The following SUCLG1 variants were observed in gnomAD, a reference collection of about 807,000 sequenced individuals.
The protein encoded by SUCLG1 is succinate-CoA ligase GDP/ADP-forming subunit alpha.
A neutral mutation model predicts 37.3 loss-of-function variants in SUCLG1; 26 were observed. The ratio of observed to expected loss-of-function variants is 0.70; its 90% CI spans 0.51 to 0.97. The LOEUF (loss-of-function observed/expected upper bound fraction) is 0.97, where lower values mean the gene tolerates loss of function less well. SUCLG1 is among the 50% of genes least tolerant of loss of function. The pLI is 0.00. For missense variants in SUCLG1, 433 were observed against 432.9 expected (o/e 1.00, Z 0.00); for synonymous variants, 163 against 155.6 (o/e 1.05, Z -0.36).
intron 8 of SUCLG1, 24 bp from the exon 9 acceptor site, chr2:84,423,796 AAG>A: frequency 6.2e-7 from 1 of 1,600,300 alleles, no homozygotes; most frequent in Non-Finnish European, 8.5e-7. Context: ...AGAGAGAGAG[AAG>A]AGAGATGGAA....
intron 2 of SUCLG1, among the ~76,000 whole-genome samples, chr2:84,449,370 A>T (rs577544902): frequency 1.4e-4 from 22 of 152,308 alleles, no homozygotes; most frequent in South Asian, 1.0e-3. Flanking sequence ...GAGGAAAATC[A>T]TTAGTGTTGT....
intron 7 of SUCLG1, chr2:84,426,292 AG>A (rs1387754708): frequency 2.0e-5 from 3 of 151,488 alleles, no homozygotes; most frequent in East Asian, 3.9e-4. Context: ...AAAAAAAAAA[AG>A]AAAATATAAA....
rs535815226 is a variant in SUCLG1 at position 84,431,776 on chromosome 2, A to T, written c.674-117T>A. The T allele has an allele frequency of 1.3e-5, 13 of 1,011,228 alleles. No individual in the cohort carries two copies. The African/African-American group carries it at 1.9e-4, about 15-fold the overall frequency. The allele number at this position is 1,011,228 out of a possible 1,614,324, so 62.6% of individuals were successfully genotyped here. A position where few individuals can be genotyped will look rare whatever the true frequency, so the allele number is the denominator to read the frequency against. ...TCTTACCCTTCTCTCTTATATTTTT[A>T]AATGTATCATTGCTCTTGCATTTAA... On this transcript the variant is annotated intron_variant, in intron 6 of 8. Transcript: ENST00000393868.
intron 1 of SUCLG1, among the ~76,000 whole-genome samples, chr2:84,458,186 TA>T (rs1319690038): frequency 6.6e-6 from 1 of 152,014 alleles, no homozygotes; most frequent in Non-Finnish European, 1.5e-5. Flanking sequence ...TTTCACTTTT[TA>T]AAAAACCAGG....
intron 1 of SUCLG1, among the ~76,000 whole-genome samples, chr2:84,452,850 C>T (rs894529059): frequency 6.6e-6 from 1 of 152,148 alleles, no homozygotes; most frequent in Non-Finnish European, 1.5e-5. Flanking sequence ...GGACAAGAAA[C>T]AGGGTCTCCA....
intron 2 of SUCLG1, among the ~76,000 whole-genome samples, chr2:84,445,684 C>G (rs1248418500): frequency 6.6e-6 from 1 of 152,168 alleles, no homozygotes; most frequent in African/African-American, 2.4e-5. Context: ...GAGCTTATTT[C>G]TCTATCTTCA....
chr2:84,425,522 T>A lies in SUCLG1; in HGVS notation c.907A>T (p.Ile303Phe). 6.2e-7 allele frequency: 1 copy of A among 1,614,182 alleles called. No homozygotes were observed. The highest frequency in any genetic ancestry group is 8.5e-7 in the Non-Finnish European group (1 of 1,180,034). The change falls in exon 8 of 9, where the codon ATT becomes TTT. Residue 303 changes from isoleucine to phenylalanine, a missense_variant. Coordinates refer to ENST00000393868, the MANE Select transcript of SUCLG1 (RefSeq NM_003849.4). ...GCTCCACCTTTTCCTCCAGCAATAA[T>A]TGCCCCGGCATGACCCATTCTTCTC... ...PGRRMGHAGA[I>F]IAGGKGGAKE...
chr2:84,441,141 A>C, intron 4 of SUCLG1, 37 bp from the exon 5 acceptor site: 1 of 1,613,926 alleles, frequency 6.2e-7, no homozygotes, highest in Non-Finnish European at 8.5e-7. Context: ...TGTTAAAAAA[A>C]AAAGTCACTC....
In SUCLG1 at chr2:84,449,763, A is replaced by T. The variant is rs1180472822; in HGVS notation, c.98-11T>A. The stretch of plus-strand genomic sequence containing the variant: ...TTCCATTCTGCGGCACTAAGAGGTT[A>T]AAAAAAAAAAAAAAAAAAAAAAAAG... On this transcript the variant is annotated splice_polypyrimidine_tract_variant and intron_variant, in intron 1 of 8. Coordinates refer to ENST00000393868, the MANE Select transcript of SUCLG1 (RefSeq NM_003849.4). The T allele has an allele frequency of 2.6e-4, 1 of 3,782 alleles. No homozygotes were observed. The highest frequency in any genetic ancestry group is 4.6e-4 in the Non-Finnish European group (1 of 2,180). The allele number at this position is 3,782 out of a possible 1,614,324, so 0.2% of individuals were successfully genotyped here. A position where few individuals can be genotyped will look rare whatever the true frequency, so the allele number is the denominator to read the frequency against.
At chr2:84,444,892 G>A (rs1001471094) in intron 2 of SUCLG1, among the ~76,000 whole-genome samples, 1 of 152,226 alleles carries the variant, frequency 6.6e-6, no homozygotes. Context: ...CGGCTCACCG[G>A]TGGTCAGAGT....
chr2:84,429,448 C>A (rs762850506), intron 7 of SUCLG1, among the ~76,000 whole-genome samples: 1 of 152,060 alleles, frequency 6.6e-6, no homozygotes, highest in Non-Finnish European at 1.5e-5. Flanking sequence ...TTACTCCAAT[C>A]CTTAACAATC....
intron 3 of SUCLG1, among the ~76,000 whole-genome samples, chr2:84,442,387 T>C (rs954521128): frequency 1.5e-4 from 23 of 152,188 alleles, no homozygotes; most frequent in African/African-American, 5.5e-4. Context: ...TTAAGGCTGA[T>C]CAACACATCA....
chr2:84,429,925 G>A (rs924358783), intron 7 of SUCLG1, among the ~76,000 whole-genome samples: 4 of 152,164 alleles, frequency 2.6e-5, no homozygotes, highest in Non-Finnish European at 1.5e-5. Context: ...CCAAACCAAA[G>A]TAGATGGACT....
At chr2:84,436,730 C>A (rs142910507) in intron 5 of SUCLG1, among the ~76,000 whole-genome samples, 44 of 152,292 alleles carry the variant, frequency 2.9e-4, no homozygotes, top group Admixed American at 2.4e-3. Context: ...CAATTAAGAA[C>A]AATGTTCTCC....
chr2:84,459,219 G>T lies in SUCLG1; in HGVS notation c.51C>A (p.Gly17=), dbSNP rs1262990302. 8 of 1,550,400 alleles carry T rather than the reference G, an allele frequency of 5.2e-6. No individual in the cohort carries two copies. The highest frequency in any genetic ancestry group is 7.0e-6 in the Non-Finnish European group (8 of 1,146,770). The part of the protein sequence containing the change: ...AAADIATMVS[G]SSGLAAARLL... The stretch of plus-strand genomic sequence containing the variant: ...GACGGGCGGCGGCGAGGCCGCTGCT[G>T]CCGGAGACCATGGTAGCGATGTCAG... The change falls in exon 1 of 9, where the codon GGC becomes GGA. Residue 17 remains glycine, a synonymous_variant. Transcript: ENST00000393868.
intron 1 of SUCLG1, among the ~76,000 whole-genome samples, chr2:84,450,544 T>G (rs1400744834): frequency 6.6e-6 from 1 of 152,058 alleles, no homozygotes; most frequent in East Asian, 1.9e-4. Flanking sequence ...TGACTTAAAA[T>G]TTTGGGCTAC....
Position 84,452,944 on chromosome 2 carries a change from G to A in SUCLG1, c.98-3192C>T, listed in dbSNP as rs139254437. ...GAAAAAGTCAATCTTGAACTCCCAC[G>A]TATCAGCAAAGAGGGAAAAGAACCC... On this transcript the variant is annotated intron_variant, in intron 1 of 8. Transcript: ENST00000393868. Among the ~76,000 whole-genome samples, 1,054 of 152,206 alleles carry A rather than the reference G, an allele frequency of 6.9e-3. 13 individuals carry two copies. Among genetic ancestry groups the A allele is most frequent in the African/African-American group, 0.023 (961 of 41,510 alleles).
chr2:84,447,855 G>T (rs532918374), intron 2 of SUCLG1, among the ~76,000 whole-genome samples: 1 of 152,100 alleles, frequency 6.6e-6, no homozygotes, highest in African/African-American at 2.4e-5. Flanking sequence ...TCAGCCTCCT[G>T]AGTAGCTGGG....
At chr2:84,441,166 CA>C (rs1176034594) in intron 4 of SUCLG1, 62 bp from the exon 5 acceptor site, 1 of 1,611,918 alleles carries the variant, frequency 6.2e-7, no homozygotes, top group Non-Finnish European at 8.5e-7. Context: ...GTCATACACA[CA>C]AATACACTCG....
Sources: allele counts gnomAD v4.1 joint callset (sites outside exome capture counted in the v4.1 genomes callset), GRCh38; gene constraint gnomAD v4.1.1; transcripts MANE v1.5; gene names NCBI Gene and HGNC (gene_info 2026-07-23, HGNC 2026-07-21).